The following THEM4 variants were observed in gnomAD, a reference collection of about 807,000 sequenced individuals.
The protein encoded by THEM4 is thioesterase superfamily member 4, also known as acyl-coenzyme A thioesterase THEM4.
Under a neutral mutation model 25.0 loss-of-function variants are expected in THEM4, and 22 were observed. The observed-to-expected ratio is 0.88, with a 90% CI of 0.63 to 1.26. The LOEUF (loss-of-function observed/expected upper bound fraction) is 1.26, where lower values mean the gene tolerates loss of function less well. THEM4 is among the 50% of genes most tolerant of loss of function. The pLI, the probability that THEM4 is intolerant of heterozygous loss-of-function variation, is 0.00. For missense variants in THEM4, 286 were observed against 300.3 expected (o/e 0.95, Z 0.35); for synonymous variants, 113 against 105.6 (o/e 1.07, Z -0.43).
chr1:151,908,369 C>G (rs1213516747), intron 1 of THEM4, among the ~76,000 whole-genome samples: 1 of 152,210 alleles, frequency 6.6e-6, no homozygotes, highest in Non-Finnish European at 1.5e-5. Context: ...TGGCCTGTAA[C>G]CCCATTGCAT....
At chr1:151,882,584 A>G (rs925160215) in intron 4 of THEM4, among the ~76,000 whole-genome samples, 1 of 152,322 alleles carries the variant, frequency 6.6e-6, no homozygotes, top group South Asian at 2.1e-4. Flanking sequence ...AGTCTGATTC[A>G]AAGTTCTACT....
At chr1:151,894,838 C>A in intron 2 of THEM4, 170 bp downstream of exon 2, 1 of 741,384 alleles carries the variant, frequency 1.3e-6, no homozygotes, top group Non-Finnish European at 2.2e-6. Context: ...GCTTTATGCT[C>A]TCCAATCTGC....
At chr1:151,875,381 C>G (rs755158099) in intron 5 of THEM4, among the ~76,000 whole-genome samples, 2 of 27,664 alleles carry the variant, frequency 7.2e-5, no homozygotes, top group Non-Finnish European at 7.9e-5. Context: ...ATTTCTTAAA[C>G]AAGATACAAA....
At chr1:151,893,090 G>A (rs1261829821) in intron 2 of THEM4, among the ~76,000 whole-genome samples, 1 of 152,186 alleles carries the variant, frequency 6.6e-6, no homozygotes, top group Non-Finnish European at 1.5e-5. Flanking sequence ...TTCAAGATAG[G>A]CTGGGCACAG....
At chr1:151,900,545 C>T (rs144899517) in intron 1 of THEM4, among the ~76,000 whole-genome samples, 2,804 of 152,212 alleles carry the variant, frequency 0.018, 32 homozygotes, top group Middle Eastern at 0.058. Context: ...TTACATCAGA[C>T]AAAACAAACT....
rs1026440471 is a variant in THEM4 at position 151,895,469 on chromosome 1, C to T, written c.100-275G>A. ...GCTGATTCCATTCTTTTTTTCCAGA[C>T]TTTAATCAAGCACAGGTAAGCCCAG... On this transcript the variant is annotated intron_variant, in intron 1 of 5. Transcript: ENST00000368814. Among the ~76,000 whole-genome samples, 12 of 152,132 alleles carry T rather than the reference C, an allele frequency of 7.9e-5. No homozygotes were observed. In the East Asian group the frequency reaches 1.4e-3, roughly 17 times the overall value.
chr1:151,877,043 C>T lies in THEM4; in HGVS notation c.640G>A (p.Val214Ile), dbSNP rs751674738. 3 of 1,613,612 alleles carry T rather than the reference C, an allele frequency of 1.9e-6. No homozygotes were observed. The South Asian group carries it at 3.3e-5, about 18-fold the overall frequency. ...EGRKFFVSCN[V>I]QSVDEKTLYS... Reference sequence around the variant, plus strand: ...AGGGTCTTCTCATCAACACTCTGAACATTACAGGAAACAAAAAATTTCCTT... The same window carrying T: ...AGGGTCTTCTCATCAACACTCTGAATATTACAGGAAACAAAAAATTTCCTT... The change falls in exon 5 of 6, where the codon GTT becomes ATT. Residue 214 changes from valine (V) to isoleucine (I), a missense_variant. Physicochemically the swap from Val to Ile is conservative, Grantham distance 29. Transcript: ENST00000368814.
chr1:151,875,028 C>A, intron 5 of THEM4, 100 bp from the exon 6 acceptor site: 1 of 987,902 alleles, frequency 1.0e-6, no homozygotes, highest in African/African-American at 1.6e-5. Context: ...GGATTTGATT[C>A]ACATTTGTAG....
Position 151,884,122 on chromosome 1 carries a change from G to A in THEM4, c.557+4151C>T, listed in dbSNP as rs113328088. On this transcript the variant is annotated intron_variant, in intron 4 of 5. Coordinates refer to ENST00000368814, the MANE Select transcript of THEM4 (RefSeq NM_053055.5). ...ATAAATAAATAAATAAAGGAAGGAA[G>A]GAAGAAGCTTCCAGAATGTGTTGGC... Among the ~76,000 whole-genome samples the A allele has an allele frequency of 9.0e-3, 1,360 of 150,676 alleles. 30 individuals are homozygous for A. The highest frequency in any genetic ancestry group is 0.032 in the African/African-American group (1,308 of 41,094).
intron 2 of THEM4, among the ~76,000 whole-genome samples, chr1:151,893,657 G>A (rs907200193): frequency 2.6e-5 from 4 of 152,124 alleles, no homozygotes; most frequent in Non-Finnish European, 5.9e-5. Flanking sequence ...GGCAATGGGA[G>A]ACTGGGAGTT....
At chr1:151,896,558 A>G (rs1237302131) in intron 1 of THEM4, among the ~76,000 whole-genome samples, 1 of 152,200 alleles carries the variant, frequency 6.6e-6, no homozygotes, top group African/African-American at 2.4e-5. Flanking sequence ...AAGGCCTAAA[A>G]GAAGTTTGGC....
Position 151,873,618 on chromosome 1 carries a change from A to T in THEM4, c.*1270T>A, listed in dbSNP as rs1271451911. ...ATAAGGTCACTTTATTTGGAAATACATTTTTTACAGAGGTAATCAAGTTAA... is the reference window on the plus strand; with the variant it reads ...ATAAGGTCACTTTATTTGGAAATACTTTTTTTACAGAGGTAATCAAGTTAA... On this transcript the variant is annotated 3_prime_UTR_variant, in exon 6 of 6. Transcript: ENST00000368814. 1.3e-5 allele frequency: 2 copies of T among 152,186 alleles called. No individual in the cohort carries two copies. The highest frequency in any genetic ancestry group is 4.8e-5 in the African/African-American group (2 of 41,426). The allele number at this position is 152,186 out of a possible 1,614,324, so 9.4% of individuals were successfully genotyped here. A position where few individuals can be genotyped will look rare whatever the true frequency, so the allele number is the denominator to read the frequency against.
chr1:151,906,465 T>C (rs998075985), intron 1 of THEM4, among the ~76,000 whole-genome samples: 1 of 152,238 alleles, frequency 6.6e-6, no homozygotes, highest in Non-Finnish European at 1.5e-5. Context: ...TGATGAGTGC[T>C]GCCCCCTGCT....
Position 151,873,425 on chromosome 1 carries a change from ATTTCT to A in THEM4, c.*1458_*1462del, listed in dbSNP as rs1434015181. Among the ~76,000 whole-genome samples the A allele has an allele frequency of 2.0e-5, 3 of 151,940 alleles. No homozygotes were observed. Among genetic ancestry groups the A allele is most frequent in the Non-Finnish European group, 2.9e-5 (2 of 67,992 alleles). ...TCTTTATACTTTGTCTCTGTGCCTT[ATTTCT>A]TTTCTCAGTCTCTCATCCCACCTGA... On this transcript the variant is annotated 3_prime_UTR_variant, in exon 6 of 6. Coordinates refer to ENST00000368814, the MANE Select transcript of THEM4 (RefSeq NM_053055.5).
intron 2 of THEM4, 145 bp from the exon 3 acceptor site, chr1:151,889,518 G>A (rs1307969639): frequency 2.7e-6 from 2 of 727,430 alleles, no homozygotes; most frequent in East Asian, 2.6e-5. Flanking sequence ...AAAGGAATGG[G>A]AGCGTCTCAA....
chr1:151,909,387 C>G lies in THEM4; in HGVS notation c.72G>C (p.Leu24=), dbSNP rs748256953. 1.3e-6 allele frequency: 2 copies of G among 1,506,012 alleles called. No individual in the cohort carries two copies. The highest frequency in any genetic ancestry group is 2.7e-5 in the East Asian group (1 of 36,420). The allele number at this position is 1,506,012 out of a possible 1,614,324, so 93.3% of individuals were successfully genotyped here. A position where few individuals can be genotyped will look rare whatever the true frequency, so the allele number is the denominator to read the frequency against. Residue 24 remains leucine (L), a synonymous_variant, in exon 1 of 6, where the codon CTG becomes CTC. Transcript: ENST00000368814. The part of the protein sequence containing the change: ...ALCLPPVGRR[L]PGSEPRPELR... ...GCTCGGGTCGCGGCTCGCTTCCCGG[C>G]AGGCGCCGGCCTACTGGCGGCAGGC...
chr1:151,902,701 A>G (rs1415375790), intron 1 of THEM4, among the ~76,000 whole-genome samples: 2 of 152,194 alleles, frequency 1.3e-5, no homozygotes, highest in Non-Finnish European at 2.9e-5. Context: ...ACTAAACTCT[A>G]TGGAAGCTGA....
chr1:151,893,383 CA>C (rs5777789), intron 2 of THEM4, among the ~76,000 whole-genome samples: 9 of 139,488 alleles, frequency 6.5e-5, no homozygotes, highest in Non-Finnish European at 1.1e-4. Flanking sequence ...AAACCAAAAA[CA>C]AAAAAAACAA....
chr1:151,888,840 A>G (rs1054552449), intron 3 of THEM4, among the ~76,000 whole-genome samples: 3 of 151,748 alleles, frequency 2.0e-5, no homozygotes, highest in Non-Finnish European at 2.9e-5. Flanking sequence ...AAAACAAAAC[A>G]AACTATACAT....
Sources: allele counts gnomAD v4.1 joint callset (sites outside exome capture counted in the v4.1 genomes callset), GRCh38; gene constraint gnomAD v4.1.1; transcripts MANE v1.5; gene names NCBI Gene and HGNC (gene_info 2026-07-23, HGNC 2026-07-21).